Variants in MCC observed in about 807,000 individuals in gnomAD.
The protein encoded by MCC is MCC regulator of Wnt signaling pathway.
MCC carries 90 observed loss-of-function variants against 116.2 expected under a neutral mutation model. The observed-to-expected ratio is 0.77, with a 90% CI of 0.65 to 0.92. MCC has a LOEUF of 0.92. Among genes scored for constraint, MCC ranks in the 40% least tolerant of loss-of-function variants. The pLI is 0.00. For missense variants in MCC, 1,516 were observed against 1,312.2 expected (o/e 1.16, Z -2.40); for synonymous variants, 578 against 510.5 (o/e 1.13, Z -1.78).
At chr5:113,200,836 G>A (rs1762640425) in intron 3 of MCC, among the ~76,000 whole-genome samples, 1 of 152,224 alleles carries the variant, frequency 6.6e-6, no homozygotes, top group Non-Finnish European at 1.5e-5. Flanking sequence ...ACCTCATCTT[G>A]CAGGAAACTG....
chr5:113,336,866 G>A (rs1767882920), intron 3 of MCC, among the ~76,000 whole-genome samples: 1 of 152,202 alleles, frequency 6.6e-6, no homozygotes, highest in South Asian at 2.1e-4. Flanking sequence ...GAGAAGACTG[G>A]TGATTGGTGG....
chr5:113,370,669 T>TA (rs887078919), intron 2 of MCC, among the ~76,000 whole-genome samples: 19 of 152,222 alleles, frequency 1.2e-4, no homozygotes. Context: ...CTGTTCTACT[T>TA]AAAAATCACT....
At chr5:113,478,911 G>A (rs1034516459) in intron 1 of MCC, among the ~76,000 whole-genome samples, 5 of 152,076 alleles carry the variant, frequency 3.3e-5, no homozygotes, top group African/African-American at 7.2e-5. Context: ...TAGCTACTGT[G>A]AGCATTACAT....
At chr5:113,203,094 G>A (rs1176852941) in intron 3 of MCC, 1 of 152,152 alleles carries the variant, frequency 6.6e-6, no homozygotes, top group Admixed American at 6.5e-5. Flanking sequence ...TCAGGACCAG[G>A]GGCTGGACTT....
chr5:113,115,554 C>A (rs1428215426), intron 6 of MCC, among the ~76,000 whole-genome samples: 2 of 152,036 alleles, frequency 1.3e-5, no homozygotes, highest in Non-Finnish European at 1.5e-5. Context: ...GGGAGCTGTC[C>A]TCCAGGACTG....
chr5:113,159,343 C>A lies in MCC; in HGVS notation c.628-7921G>T, dbSNP rs529142570. On this transcript the variant is annotated intron_variant, in intron 3 of 18. Transcript: ENST00000408903. Reference sequence around the variant, plus strand: ...CTCAAATATTTAAGGAAGCTTCACTCTATACAGAACTGTTCACCCAAGATC... The same window carrying A: ...CTCAAATATTTAAGGAAGCTTCACTATATACAGAACTGTTCACCCAAGATC... Among the ~76,000 whole-genome samples the A allele has an allele frequency of 5.9e-5, 9 of 152,330 alleles. No individual in the cohort carries two copies. In the South Asian group the frequency reaches 1.4e-3, roughly 25 times the overall value.
intron 3 of MCC, among the ~76,000 whole-genome samples, chr5:113,169,653 G>A (rs1163621623): frequency 6.6e-6 from 1 of 152,148 alleles, no homozygotes; most frequent in African/African-American, 2.4e-5. Context: ...TGGCCATGGG[G>A]AGACACAAGG....
In MCC at chr5:113,151,355, G is replaced by A; in HGVS notation, c.695C>T (p.Thr232Ile). ...TTCCAGAAGGTCCCGTTCCCTCTCT[G>A]TTTGCTGGAGACGTTTATTAAGTTC... ...IVELNKRLQQ[T>I]ERERDLLEKK... The change falls in exon 4 of 19, where the codon ACA becomes ATA. Residue 232 changes from threonine (T) to isoleucine (I), a missense_variant. Physicochemically the swap from Thr to Ile is moderately conservative, Grantham distance 89. Transcript: ENST00000408903. The A allele has an allele frequency of 6.2e-7, 1 of 1,613,852 alleles. No individual in the cohort carries two copies.
intron 5 of MCC, among the ~76,000 whole-genome samples, chr5:113,132,372 G>A (rs80316849): frequency 0.13 from 14,326 of 112,452 alleles, 2,010 homozygotes; most frequent in African/African-American, 0.33. Flanking sequence ...GTGTGTGTGT[G>A]TATATATATA....
chr5:113,132,002 A>C (rs1443929648), intron 5 of MCC, among the ~76,000 whole-genome samples: 1 of 152,188 alleles, frequency 6.6e-6, no homozygotes, highest in Non-Finnish European at 1.5e-5. Flanking sequence ...CTCTGTAGTC[A>C]TTCCTTGATT....
chr5:113,167,427 T>C (rs1581190119), intron 3 of MCC, among the ~76,000 whole-genome samples: 1 of 152,142 alleles, frequency 6.6e-6, no homozygotes. Context: ...GTGACTTAAA[T>C]AGAACTGGAA....
At chr5:113,081,848 A>T (rs1187357839) in intron 11 of MCC, among the ~76,000 whole-genome samples, 1 of 152,236 alleles carries the variant, frequency 6.6e-6, no homozygotes, top group African/African-American at 2.4e-5. Context: ...TGATAATTCA[A>T]TTTATTCTGG....
intron 1 of MCC, among the ~76,000 whole-genome samples, chr5:113,426,186 C>T (rs948770004): frequency 6.6e-6 from 1 of 152,044 alleles, no homozygotes; most frequent in African/African-American, 2.4e-5. Flanking sequence ...GATGCTGGGC[C>T]CCAGGGTGCT....
chr5:113,382,752 G>GC (rs1425735291), intron 2 of MCC, among the ~76,000 whole-genome samples: 6 of 152,086 alleles, frequency 3.9e-5, no homozygotes, highest in African/African-American at 1.4e-4. Flanking sequence ...AATAACAACT[G>GC]CCCCCATTCT....
At chr5:113,079,231 C>G (rs1754673236) in intron 11 of MCC, among the ~76,000 whole-genome samples, 1 of 152,194 alleles carries the variant, frequency 6.6e-6, no homozygotes, top group African/African-American at 2.4e-5. Flanking sequence ...GCCATACTGC[C>G]CAAGGCAATT....
intron 3 of MCC, among the ~76,000 whole-genome samples, chr5:113,200,022 T>C (rs892144615): frequency 3.3e-5 from 5 of 152,230 alleles, no homozygotes; most frequent in African/African-American, 9.6e-5. Context: ...TGATGGCTCC[T>C]AGCTGGGGAG....
intron 3 of MCC, among the ~76,000 whole-genome samples, chr5:113,322,748 A>G (rs1259213272): frequency 6.6e-6 from 1 of 152,234 alleles, no homozygotes; most frequent in African/African-American, 2.4e-5. Context: ...GAGGATAGCG[A>G]GTTAATGAAT....
At chr5:113,449,747 T>C (rs540766139) in intron 1 of MCC, among the ~76,000 whole-genome samples, 2 of 152,268 alleles carry the variant, frequency 1.3e-5, no homozygotes, top group East Asian at 3.9e-4. Context: ...GTTTGGGAAG[T>C]GGAGGAGGAC....
intron 3 of MCC, among the ~76,000 whole-genome samples, chr5:113,286,734 T>A (rs1290028082): frequency 1.3e-5 from 2 of 152,202 alleles, no homozygotes; most frequent in African/African-American, 4.8e-5. Flanking sequence ...AACTACAGAA[T>A]TTTTTTCCCT....
Sources: gnomAD v4.1 joint callset for allele counts (sites outside exome capture counted in the v4.1 genomes callset) on GRCh38, gnomAD v4.1.1 for gene constraint, MANE v1.5 for transcripts, NCBI Gene and HGNC (gene_info 2026-07-23, HGNC 2026-07-21) for gene names.